The following POPDC2 variants were observed in gnomAD, a reference collection of about 807,000 sequenced individuals.
POPDC2 encodes the protein popeye domain cAMP effector 2.
Under a neutral mutation model 30.5 loss-of-function variants are expected in POPDC2, and 24 were observed. The ratio of observed to expected loss-of-function variants is 0.79; its 90% CI spans 0.57 to 1.11. POPDC2 has a LOEUF of 1.11. POPDC2 is among the 50% of genes least tolerant of loss of function. The pLI, the probability that POPDC2 is intolerant of heterozygous loss-of-function variation, is 0.00. For synonymous variants in POPDC2, 185 were observed against 183.3 expected, an observed-to-expected ratio of 1.01 and a Z score of -0.07; for missense variants, 409 against 447.0, an observed-to-expected ratio of 0.91 and a Z score of 0.77.
intron 1 of POPDC2, among the ~76,000 whole-genome samples, chr3:119,657,971 T>G (rs1416576380): frequency 6.6e-6 from 1 of 152,242 alleles, no homozygotes; most frequent in Admixed American, 6.5e-5. Context: ...TTTCCCTCTC[T>G]GAGTTTTGAA....
At chr3:119,657,804 C>T (rs2052896398) in intron 1 of POPDC2, among the ~76,000 whole-genome samples, 1 of 152,178 alleles carries the variant, frequency 6.6e-6, no homozygotes, top group African/African-American at 2.4e-5. Flanking sequence ...TCTTGATCTA[C>T]TGGAAGATGG....
intron 3 of POPDC2, among the ~76,000 whole-genome samples, chr3:119,646,544 T>A (rs1479103013): frequency 1.3e-5 from 2 of 151,966 alleles, no homozygotes; most frequent in Admixed American, 1.3e-4. Context: ...GAGGCTGGGA[T>A]GGGAGGATCG....
At chr3:119,648,706 T>C (rs1212868662) in intron 2 of POPDC2, 38 bp from the exon 3 acceptor site, 1 of 1,536,336 alleles carries the variant, frequency 6.5e-7, no homozygotes, top group Non-Finnish European at 8.8e-7. Flanking sequence ...AAGTTTAAAC[T>C]AGAAAATTTG....
intron 1 of POPDC2, among the ~76,000 whole-genome samples, chr3:119,657,317 C>T (rs752149770): frequency 6.6e-6 from 1 of 152,184 alleles, no homozygotes; most frequent in South Asian, 2.1e-4. Flanking sequence ...GATATCAGCA[C>T]TCCTGAGCCT....
At chr3:119,656,369 A>G (rs909605348) in intron 1 of POPDC2, among the ~76,000 whole-genome samples, 1 of 152,078 alleles carries the variant, frequency 6.6e-6, no homozygotes, top group Admixed American at 6.5e-5. Flanking sequence ...ATTTGCTTTA[A>G]TTTTATGAAT....
Position 119,642,676 on chromosome 3 carries a change from T to C in POPDC2, c.*44-115A>G, listed in dbSNP as rs554420010. On this transcript the variant is annotated intron_variant, in intron 3 of 3. Coordinates refer to ENST00000493094, the MANE Select transcript of POPDC2 (RefSeq NM_001369919.2). Reference sequence around the variant, plus strand: ...CTTTACCAATTCCCAATGTTTTAACTGTACTCACTGCCTGACATGATAGGG... The same window carrying C: ...CTTTACCAATTCCCAATGTTTTAACCGTACTCACTGCCTGACATGATAGGG... 8 of 654,062 alleles carry C rather than the reference T, an allele frequency of 1.2e-5. No homozygotes were observed. The East Asian group carries it at 1.7e-4, about 14-fold the overall frequency. 40.5% of individuals were successfully genotyped at this position (654,062 alleles called of 1,614,324 possible). A position where few individuals can be genotyped will look rare whatever the true frequency, so the allele number is the denominator to read the frequency against.
At chr3:119,654,895 T>TA (rs936829435) in intron 1 of POPDC2, among the ~76,000 whole-genome samples, 9 of 152,000 alleles carry the variant, frequency 5.9e-5, no homozygotes, top group Middle Eastern at 3.4e-3. Flanking sequence ...GGGAAGCTTT[T>TA]AAAAAAAAGC....
rs1370437834 is a variant in POPDC2, at chr3:119,642,194, C to T, written c.*411G>A. 7.6e-6 allele frequency: 2 copies of T among 261,476 alleles called. No homozygotes were observed. Among genetic ancestry groups the T allele is most frequent in the Non-Finnish European group, 1.5e-5 (2 of 133,226 alleles). 16.2% of individuals were successfully genotyped at this position (261,476 alleles called of 1,614,324 possible). A position where few individuals can be genotyped will look rare whatever the true frequency, so the allele number is the denominator to read the frequency against. On this transcript the variant is annotated 3_prime_UTR_variant, in exon 4 of 4. Transcript: ENST00000493094. ...ACCCCCACTGTTTACCGATGAGGCTCACAGAGGCTATGTAACTTGCCCAAG... is the reference window on the plus strand; with the variant it reads ...ACCCCCACTGTTTACCGATGAGGCTTACAGAGGCTATGTAACTTGCCCAAG...
intron 3 of POPDC2, among the ~76,000 whole-genome samples, chr3:119,644,223 C>A (rs2052720843): frequency 6.6e-6 from 1 of 152,136 alleles, no homozygotes; most frequent in African/African-American, 2.4e-5. Context: ...GTATAGTTTT[C>A]AGAACAATGT....
intron 2 of POPDC2, among the ~76,000 whole-genome samples, chr3:119,651,309 T>C (rs1301181863): frequency 6.6e-6 from 1 of 152,064 alleles, no homozygotes; most frequent in African/African-American, 2.4e-5. Context: ...TAACAAGGAT[T>C]TCCATGACCA....
chr3:119,660,017 T>G lies in POPDC2; in HGVS notation c.407A>C (p.Gln136Pro). The change falls in exon 1 of 4, where the codon CAG becomes CCG. Residue 136 changes from glutamine to proline, a missense_variant. Transcript: ENST00000493094. The part of the protein sequence containing the change: ...YKEIVHCCEE[Q>P]VLTLATEQTY... ...CTGTTCAGTGGCCAGAGTTAAGACC[T>G]GCTCCTCGCAGCAGTGAACAATCTC... is the stretch of plus-strand genomic sequence containing the variant. 1 of 1,614,198 alleles carries G rather than the reference T, an allele frequency of 6.2e-7. No individual in the cohort carries two copies.
intron 3 of POPDC2, among the ~76,000 whole-genome samples, chr3:119,645,152 G>A (rs58224130): frequency 0.018 from 2,730 of 152,308 alleles, 76 homozygotes; most frequent in African/African-American, 0.058. Context: ...CTCATCAGCA[G>A]TTTTCTCATC....
intron 3 of POPDC2, among the ~76,000 whole-genome samples, chr3:119,644,894 T>C (rs142461570): frequency 1.7e-4 from 26 of 152,280 alleles, no homozygotes; most frequent in South Asian, 1.7e-3. Flanking sequence ...TGATGGTAAA[T>C]AAGTCAAATC....
intron 2 of POPDC2, 44 bp from the exon 3 acceptor site, chr3:119,648,712 A>C: frequency 2.0e-6 from 3 of 1,524,390 alleles, no homozygotes; most frequent in Non-Finnish European, 2.7e-6. Flanking sequence ...AAACTAGAAA[A>C]TTTGTCCATG....
intron 1 of POPDC2, chr3:119,654,875 A>C: frequency 6.6e-6 from 3 of 455,634 alleles, no homozygotes; most frequent in Non-Finnish European, 1.2e-5. Flanking sequence ...GCTGCAGAGT[A>C]GAAGTCCCAG....
chr3:119,645,580 A>AAAAG (rs2052737321), intron 3 of POPDC2, among the ~76,000 whole-genome samples: 1 of 151,588 alleles, frequency 6.6e-6, no homozygotes, highest in African/African-American at 2.4e-5. Context: ...AAAAAAAAAA[A>AAAAG]AAAGAAAGAA....
chr3:119,655,702 T>A (rs1251497425), intron 1 of POPDC2, among the ~76,000 whole-genome samples: 1 of 152,256 alleles, frequency 6.6e-6, no homozygotes, highest in East Asian at 1.9e-4. Flanking sequence ...TATTCTTTTC[T>A]GTATTTTATA....
chr3:119,657,066 G>A (rs186574862), intron 1 of POPDC2, among the ~76,000 whole-genome samples: 41 of 152,350 alleles, frequency 2.7e-4, no homozygotes, highest in African/African-American at 8.4e-4. Flanking sequence ...CAGACCTCTC[G>A]AAGGAGATGA....
chr3:119,642,560 A>T lies in POPDC2; in HGVS notation c.*45T>A. 6.2e-7 allele frequency: 1 copy of T among 1,604,854 alleles called. No homozygotes were observed. The highest frequency in any genetic ancestry group is 8.5e-7 in the Non-Finnish European group (1 of 1,171,724). On this transcript the variant is annotated splice_region_variant and 3_prime_UTR_variant, in exon 4 of 4. Transcript: ENST00000493094. ...AGTAGCTCTGGAGAGGAATTCTAGA[A>T]GCTGTGGAAAGAAAAAGAGGGAGGA...
Sources: allele counts gnomAD v4.1 joint callset (sites outside exome capture counted in the v4.1 genomes callset), GRCh38; gene constraint gnomAD v4.1.1; transcripts MANE v1.5; gene names NCBI Gene and HGNC (gene_info 2026-07-23, HGNC 2026-07-21).